TNR: variants seen among roughly 807,000 people sequenced by gnomAD.
The protein encoded by TNR is tenascin-R.
A neutral mutation model predicts 150.4 loss-of-function variants in TNR; 45 were observed. That is an observed-to-expected ratio of 0.30 (90% CI 0.24 to 0.38). The LOEUF (loss-of-function observed/expected upper bound fraction) is 0.38, where lower values mean the gene tolerates loss of function less well. Among genes scored for constraint, TNR ranks in the 10% least tolerant of loss-of-function variants. TNR has a pLI of 1.00. For synonymous variants in TNR, 687 were observed against 678.4 expected (o/e 1.01, Z -0.20); for missense variants, 1,544 against 1,759.1 (o/e 0.88, Z 2.19).
rs182521731 is a variant in TNR at position 175,508,356 on chromosome 1, C to A, written c.-64+19913G>T. On this transcript the variant is annotated intron_variant, in intron 2 of 22. Transcript: ENST00000367674. Reference sequence around the variant, plus strand: ...CAGCCCTGTTGGTTGCTGTGGTGAGCAGCCTTTGGGATGGTCCCCAGTCAT... The same window carrying A: ...CAGCCCTGTTGGTTGCTGTGGTGAGAAGCCTTTGGGATGGTCCCCAGTCAT... Among the ~76,000 whole-genome samples the A allele has an allele frequency of 5.3e-4, 80 of 152,310 alleles. 3 individuals are homozygous for A. The highest frequency in any genetic ancestry group is 4.5e-3 in the Admixed American group (69 of 15,308).
chr1:175,688,998 G>A (rs778618969), intron 1 of TNR, among the ~76,000 whole-genome samples: 4 of 152,198 alleles, frequency 2.6e-5, no homozygotes, highest in Non-Finnish European at 4.4e-5. Context: ...AATAAAACAC[G>A]GCCACTAACC....
At chr1:175,739,004 G>C (rs934106465) in intron 1 of TNR, among the ~76,000 whole-genome samples, 1 of 152,160 alleles carries the variant, frequency 6.6e-6, no homozygotes, top group Non-Finnish European at 1.5e-5. Context: ...TTCTGTATTA[G>C]GGAGTCCTCA....
chr1:175,325,886 G>A lies in TNR; in HGVS notation c.3794-1367C>T, dbSNP rs561522767. Among the ~76,000 whole-genome samples the A allele has an allele frequency of 2.6e-5, 4 of 151,250 alleles. No homozygotes were observed. The South Asian group carries it at 8.4e-4, about 32-fold the overall frequency. The stretch of plus-strand genomic sequence containing the variant: ...CCTGTTGTGGGGTGGGGGTAGGGGG[G>A]AGGGATAGCATTAGGAGATATACCT... On this transcript the variant is annotated intron_variant, in intron 21 of 22. Coordinates refer to ENST00000367674, the MANE Select transcript of TNR (RefSeq NM_003285.3).
chr1:175,396,460 A>G, intron 5 of TNR, 84 bp downstream of exon 5: 1 of 1,506,834 alleles, frequency 6.6e-7, no homozygotes, highest in African/African-American at 1.4e-5. Flanking sequence ...CTGAAGAACT[A>G]AGAAAAGACG....
At chr1:175,506,353 C>G (rs1658956824) in intron 2 of TNR, among the ~76,000 whole-genome samples, 1 of 152,208 alleles carries the variant, frequency 6.6e-6, no homozygotes, top group Admixed American at 6.5e-5. Context: ...TTCTAGCCAA[C>G]ATTCTAAACA....
chr1:175,334,004 G>A (rs550698622), intron 20 of TNR, among the ~76,000 whole-genome samples: 1 of 152,332 alleles, frequency 6.6e-6, no homozygotes, highest in Admixed American at 6.5e-5. Flanking sequence ...TACTTAGGGT[G>A]TAGAGGAGTC....
chr1:175,366,747 C>A (rs1055853174), intron 10 of TNR, among the ~76,000 whole-genome samples: 3 of 152,258 alleles, frequency 2.0e-5, no homozygotes, highest in Non-Finnish European at 2.9e-5. Flanking sequence ...GAATCCAGAG[C>A]AGCAAGGGTC....
intron 2 of TNR, among the ~76,000 whole-genome samples, chr1:175,484,993 C>T (rs180932688): frequency 1.7e-4 from 26 of 152,154 alleles, no homozygotes; most frequent in Admixed American, 1.6e-3. Context: ...CCTAAAGGAC[C>T]TCAAGGCACT....
At chr1:175,327,424 C>T (rs181880239) in intron 21 of TNR, among the ~76,000 whole-genome samples, 1 of 152,340 alleles carries the variant, frequency 6.6e-6, no homozygotes, top group East Asian at 1.9e-4. Flanking sequence ...GATGCAGCAG[C>T]CATCAGCCGC....
intron 1 of TNR, among the ~76,000 whole-genome samples, chr1:175,574,840 G>A (rs772844975): frequency 6.6e-6 from 1 of 152,210 alleles, no homozygotes; most frequent in Non-Finnish European, 1.5e-5. Context: ...GAAAGCACAT[G>A]AGCTCCGTTC....
At chr1:175,432,053 C>T (rs972878060) in intron 2 of TNR, among the ~76,000 whole-genome samples, 6 of 151,954 alleles carry the variant, frequency 3.9e-5, no homozygotes, top group African/African-American at 1.2e-4. Flanking sequence ...TGAGCCTCTG[C>T]CTGTGGGGAG....
chr1:175,621,231 T>A (rs533655067), intron 1 of TNR, among the ~76,000 whole-genome samples: 9 of 152,280 alleles, frequency 5.9e-5, no homozygotes, highest in Non-Finnish European at 1.0e-4. Flanking sequence ...CATCTCACTG[T>A]CTACATCTAT....
chr1:175,455,392 C>T (rs546300192), intron 2 of TNR, among the ~76,000 whole-genome samples: 12 of 152,308 alleles, frequency 7.9e-5, no homozygotes, highest in African/African-American at 2.4e-4. Context: ...AAATGAAAAA[C>T]GAAAAACCTT....
chr1:175,517,547 A>C (rs182099254), intron 2 of TNR, among the ~76,000 whole-genome samples: 9 of 152,308 alleles, frequency 5.9e-5, no homozygotes, highest in Admixed American at 5.9e-4. Context: ...AAATGGAATA[A>C]TCTCAGGGGA....
intron 1 of TNR, among the ~76,000 whole-genome samples, chr1:175,606,515 A>G (rs1663410261): frequency 6.6e-6 from 1 of 152,156 alleles, no homozygotes; most frequent in African/African-American, 2.4e-5. Context: ...CGATTTTTGG[A>G]AAGTACTTTA....
chr1:175,483,655 A>G (rs1296441834), intron 2 of TNR, among the ~76,000 whole-genome samples: 2 of 152,234 alleles, frequency 1.3e-5, no homozygotes, highest in African/African-American at 4.8e-5. Context: ...CGAGGCTGCT[A>G]TTGGATTTGA....
intron 1 of TNR, among the ~76,000 whole-genome samples, chr1:175,622,146 T>G (rs1330507706): frequency 2.0e-5 from 3 of 152,248 alleles, no homozygotes; most frequent in African/African-American, 4.8e-5. Context: ...ACATATTGAA[T>G]GTAGAACTTT....
At chr1:175,702,573 G>C (rs1232167312) in intron 1 of TNR, among the ~76,000 whole-genome samples, 1 of 152,248 alleles carries the variant, frequency 6.6e-6, no homozygotes, top group Non-Finnish European at 1.5e-5. Flanking sequence ...ATGGGGTAAA[G>C]GGTCAGAACA....
At chr1:175,542,403 T>C (rs1660539640) in intron 1 of TNR, among the ~76,000 whole-genome samples, 1 of 152,202 alleles carries the variant, frequency 6.6e-6, no homozygotes, top group African/African-American at 2.4e-5. Flanking sequence ...ATCATGTAGC[T>C]GCCCCTGCTA....
Sources: allele counts gnomAD v4.1 joint callset (sites outside exome capture counted in the v4.1 genomes callset), GRCh38; gene constraint gnomAD v4.1.1; transcripts MANE v1.5; gene names NCBI Gene and HGNC (gene_info 2026-07-23, HGNC 2026-07-21).